The following SLC20A2 variants were observed in gnomAD, a reference collection of about 807,000 sequenced individuals.
The protein encoded by SLC20A2 is sodium-dependent phosphate transporter 2.
In SLC20A2, 30 loss-of-function variants were observed where a neutral mutation model predicts 61.0. The ratio of observed to expected loss-of-function variants is 0.49; its 90% CI spans 0.37 to 0.67. The LOEUF (loss-of-function observed/expected upper bound fraction) is 0.67, where lower values mean the gene tolerates loss of function less well. SLC20A2 is among the 30% of genes least tolerant of loss of function. The probability of loss-of-function intolerance (pLI) is 0.00; values close to 1 mark genes in which losing one functional copy is unlikely to be tolerated. For synonymous variants in SLC20A2, 351 were observed against 353.3 expected (o/e 0.99, Z 0.07); for missense variants, 626 against 866.4 (o/e 0.72, Z 3.48).
At chr8:42,419,271 A>T (rs73631750) in intron 10 of SLC20A2, among the ~76,000 whole-genome samples, 1 of 151,938 alleles carries the variant, frequency 6.6e-6, no homozygotes, top group Non-Finnish European at 1.5e-5. Context: ...CGATGGCTAT[A>T]AAATGGTGAT....
intron 5 of SLC20A2, among the ~76,000 whole-genome samples, chr8:42,451,337 G>A (rs915243636): frequency 2.7e-5 from 4 of 148,918 alleles, no homozygotes; most frequent in Non-Finnish European, 6.0e-5. Context: ...AGATGGAGAA[G>A]GAGGAAGAGA....
chr8:42,499,468 C>A (rs923913342), intron 1 of SLC20A2, among the ~76,000 whole-genome samples: 8 of 152,154 alleles, frequency 5.3e-5, no homozygotes, highest in Admixed American at 6.5e-5. Context: ...AGTGTTTATG[C>A]GCATTTTAGC....
rs1481188879 is a variant in SLC20A2, at chr8:42,456,499, A to C, written c.613+3397T>G. Among the ~76,000 whole-genome samples the C allele has an allele frequency of 2.6e-5, 4 of 152,098 alleles. No homozygotes were observed. The East Asian group carries it at 7.7e-4, about 29-fold the overall frequency. On this transcript the variant is annotated intron_variant, in intron 5 of 10. Coordinates refer to ENST00000520262, the MANE Select transcript of SLC20A2 (RefSeq NM_001257180.2). ...GCCTGTAATCCCACTTTGAGAGGCC[A>C]AGGCAGGCGGATCACGAGGTCAGGA...
Position 42,483,961 on chromosome 8 carries a change from C to T in SLC20A2, c.-264-11307G>A, listed in dbSNP as rs1474025598. Reference sequence around the variant, plus strand: ...AGGTTCAATAAAAATATGGATGGTACTTATAAAACTTTTTGTTCCTGGTAC... The same window carrying T: ...AGGTTCAATAAAAATATGGATGGTATTTATAAAACTTTTTGTTCCTGGTAC... On this transcript the variant is annotated intron_variant, in intron 1 of 10. Transcript: ENST00000520262. 2.0e-5 allele frequency among the ~76,000 whole-genome samples: 3 copies of T among 152,140 alleles called. No homozygotes were observed. The East Asian group carries it at 5.8e-4, about 29-fold the overall frequency.
chr8:42,533,194 T>C (rs1381838953), intron 1 of SLC20A2, among the ~76,000 whole-genome samples: 4 of 152,158 alleles, frequency 2.6e-5, no homozygotes, highest in African/African-American at 7.2e-5. Context: ...AAAGCAAAAA[T>C]TGTCCTCAAT....
intron 5 of SLC20A2, among the ~76,000 whole-genome samples, chr8:42,456,343 T>C (rs545398909): frequency 7.7e-4 from 117 of 152,320 alleles, no homozygotes; most frequent in Non-Finnish European, 1.1e-3. Flanking sequence ...CAGCTTTCAC[T>C]GGCTCAGTCT....
chr8:42,533,651 G>GTTCTTTTTTTCTTTTTT (rs1380902729), intron 1 of SLC20A2, among the ~76,000 whole-genome samples: 1 of 89,736 alleles, frequency 1.1e-5, no homozygotes, highest in African/African-American at 4.8e-5. Flanking sequence ...ATGATCAACT[G>GTTCTTTTTTTCTTTTTT]TTCTTTTTTT....
chr8:42,483,322 G>C (rs1277005795), intron 1 of SLC20A2, among the ~76,000 whole-genome samples: 5 of 152,212 alleles, frequency 3.3e-5, no homozygotes, highest in African/African-American at 1.2e-4. Context: ...AGTAAGGCGA[G>C]ATCGTGCCAT....
intron 1 of SLC20A2, among the ~76,000 whole-genome samples, chr8:42,532,168 T>C (rs1812376678): frequency 6.6e-6 from 1 of 152,126 alleles, no homozygotes; most frequent in Non-Finnish European, 1.5e-5. Flanking sequence ...TCTTAAAACT[T>C]AAAGGAGAAT....
chr8:42,457,842 G>A (rs2131144560), intron 5 of SLC20A2, among the ~76,000 whole-genome samples: 1 of 152,158 alleles, frequency 6.6e-6, no homozygotes, highest in Middle Eastern at 3.4e-3. Context: ...CACAGTAAAA[G>A]GTTATATAAT....
chr8:42,425,221 G>A (rs1257560942), intron 10 of SLC20A2, among the ~76,000 whole-genome samples: 3 of 152,122 alleles, frequency 2.0e-5, no homozygotes, highest in Non-Finnish European at 4.4e-5. Flanking sequence ...CTCTAAGCAT[G>A]AAACTTAAAA....
At chr8:42,515,368 T>C (rs557660536) in intron 1 of SLC20A2, among the ~76,000 whole-genome samples, 2 of 152,212 alleles carry the variant, frequency 1.3e-5, no homozygotes, top group Admixed American at 6.5e-5. Context: ...AGACATGCTG[T>C]GTTCAAGATA....
At chr8:42,443,165 C>G (rs979131163) in intron 6 of SLC20A2, among the ~76,000 whole-genome samples, 1 of 145,298 alleles carries the variant, frequency 6.9e-6, no homozygotes, top group Non-Finnish European at 1.5e-5. Context: ...CAGTAGAGTA[C>G]TATATTGTAT....
intron 3 of SLC20A2, among the ~76,000 whole-genome samples, chr8:42,464,279 C>CTTTTTT (rs202204490): frequency 5.1e-5 from 7 of 136,814 alleles, no homozygotes; most frequent in African/African-American, 2.1e-4. Flanking sequence ...GGCTAATTTT[C>CTTTTTT]TTTCTTTTTT....
intron 1 of SLC20A2, among the ~76,000 whole-genome samples, chr8:42,473,491 C>T (rs1468164334): frequency 1.3e-5 from 2 of 152,148 alleles, no homozygotes; most frequent in African/African-American, 4.8e-5. Flanking sequence ...AGAATCTTCC[C>T]CCACAGCTGC....
chr8:42,456,865 C>T (rs1024873991), intron 5 of SLC20A2, among the ~76,000 whole-genome samples: 1 of 151,962 alleles, frequency 6.6e-6, no homozygotes, highest in Non-Finnish European at 1.5e-5. Flanking sequence ...CTAGGTGGTG[C>T]GCTTAACTCC....
rs116194858 is a variant in SLC20A2 at position 42,437,314 on chromosome 8, C to T, written c.1198G>A (p.Ala400Thr). Residue 400 changes from alanine to threonine, a missense_variant, in exon 8 of 11, where the codon GCC becomes ACC. Coordinates refer to ENST00000520262, the MANE Select transcript of SLC20A2 (RefSeq NM_001257180.2). The surrounding 1 kb of genome is among the most constrained non-coding windows in gnomAD (Gnocchi z 6.4). Reference sequence around the variant, plus strand: ...GATGAGTCCGCAGCTCGAAAGGTGGCGTGCACTGGCAGCCCACAAATGGCT... The same window carrying T: ...GATGAGTCCGCAGCTCGAAAGGTGGTGTGCACTGGCAGCCCACAAATGGCT... The part of the protein sequence containing the change: ...TAAICGLPVH[A>T]TFRAADSSAP... 239 of 1,614,198 alleles carry T rather than the reference C, an allele frequency of 1.5e-4. 1 individual carries two copies. In the African/African-American group the frequency reaches 2.9e-3, roughly 20 times the overall value.
intron 1 of SLC20A2, among the ~76,000 whole-genome samples, chr8:42,491,028 A>C (rs1319125678): frequency 6.6e-6 from 1 of 152,246 alleles, no homozygotes; most frequent in Non-Finnish European, 1.5e-5. Context: ...AGTAAACAAA[A>C]AAAAGACAAA....
chr8:42,518,205 G>A (rs1301442047), intron 1 of SLC20A2, among the ~76,000 whole-genome samples: 1 of 152,206 alleles, frequency 6.6e-6, no homozygotes, highest in African/African-American at 2.4e-5. Flanking sequence ...CTCCCAAAGT[G>A]CTGGGATTAC....
Sources: allele counts gnomAD v4.1 joint callset (sites outside exome capture counted in the v4.1 genomes callset), GRCh38; gene constraint gnomAD v4.1.1; non-coding constraint Gnocchi (gnomAD v3.1); transcripts MANE v1.5; gene names NCBI Gene and HGNC (gene_info 2026-07-23, HGNC 2026-07-21).